The following USP15 variants were observed in gnomAD, a reference collection of about 807,000 sequenced individuals.
USP15 encodes ubiquitin specific peptidase 15, also known as ubiquitin carboxyl-terminal hydrolase 15.
Under a neutral mutation model 127.1 loss-of-function variants are expected in USP15, and 18 were observed. The observed-to-expected ratio is 0.14, with a 90% CI of 0.10 to 0.21. USP15 has a LOEUF of 0.21. Ranked by LOEUF, USP15 falls within the 10% of genes least tolerant of loss-of-function variation. The pLI is 1.00. For missense variants in USP15, 805 were observed against 1,159.9 expected, an observed-to-expected ratio of 0.69 and a Z score of 4.44; for synonymous variants, 364 against 393.7, an observed-to-expected ratio of 0.92 and a Z score of 0.89.
chr12:62,376,943 G>A (rs1477211642), intron 8 of USP15, among the ~76,000 whole-genome samples: 1 of 152,152 alleles, frequency 6.6e-6, no homozygotes, highest in Non-Finnish European at 1.5e-5. Flanking sequence ...AGTCTCATCT[G>A]ATAGGAAAAT....
chr12:62,333,933 A>C (rs2065378656), intron 6 of USP15, among the ~76,000 whole-genome samples: 1 of 152,224 alleles, frequency 6.6e-6, no homozygotes, highest in Non-Finnish European at 1.5e-5. Flanking sequence ...ATGAAGGCTC[A>C]GGAAAACTTG....
chr12:62,321,627 C>G lies in USP15; in HGVS notation c.621+18C>G. 6.5e-7 allele frequency: 1 copy of G among 1,530,468 alleles called. No individual in the cohort carries two copies. The highest frequency in any genetic ancestry group is 8.7e-7 in the Non-Finnish European group (1 of 1,143,552). The allele number at this position is 1,530,468 out of a possible 1,614,324, so 94.8% of individuals were successfully genotyped here. On this transcript the variant is annotated intron_variant, in intron 5 of 21. Transcript: ENST00000280377. ...AAGGACAGGTATTGTTTATTTTAAG[C>G]ATACTGTATTATACATGAAGGTTTT...
At chr12:62,353,887 G>A (rs1042121120) in intron 7 of USP15, among the ~76,000 whole-genome samples, 8 of 152,144 alleles carry the variant, frequency 5.3e-5, no homozygotes, top group African/African-American at 1.9e-4. Context: ...TTTAGTTTAA[G>A]TCAAGTAAAT....
intron 6 of USP15, among the ~76,000 whole-genome samples, chr12:62,328,056 A>G (rs2065182524): frequency 6.6e-6 from 1 of 152,178 alleles, no homozygotes; most frequent in Non-Finnish European, 1.5e-5. Flanking sequence ...TCAAGTCTAT[A>G]GCAAAAGTTA....
At chr12:62,367,837 T>C (rs2066528212) in intron 8 of USP15, among the ~76,000 whole-genome samples, 1 of 152,194 alleles carries the variant, frequency 6.6e-6, no homozygotes, top group Non-Finnish European at 1.5e-5. Flanking sequence ...CTTAGTTATC[T>C]CTTGTCTTCT....
At chr12:62,298,318 A>C (rs1270841157) in intron 2 of USP15, among the ~76,000 whole-genome samples, 1 of 152,140 alleles carries the variant, frequency 6.6e-6, no homozygotes, top group Non-Finnish European at 1.5e-5. Flanking sequence ...TGAACACAGG[A>C]GTTCGAGATC....
intron 1 of USP15, among the ~76,000 whole-genome samples, chr12:62,265,458 A>T (rs532086918): frequency 1.3e-5 from 2 of 152,356 alleles, no homozygotes; most frequent in East Asian, 3.9e-4. Flanking sequence ...AGGTTTTCAC[A>T]TAGTGGTATA....
chr12:62,387,138 A>G (rs1403836513), intron 11 of USP15, among the ~76,000 whole-genome samples: 1 of 152,168 alleles, frequency 6.6e-6, no homozygotes, highest in African/African-American at 2.4e-5. Flanking sequence ...TGCATGAGGA[A>G]CACTTAGGTA....
Position 62,282,691 on chromosome 12 carries a change from C to T in USP15, c.90-11488C>T, listed in dbSNP as rs141786811. 5.9e-5 allele frequency among the ~76,000 whole-genome samples: 9 copies of T among 152,290 alleles called. No homozygotes were observed. The East Asian group carries it at 1.7e-3, about 29-fold the overall frequency. On this transcript the variant is annotated intron_variant, in intron 1 of 21. Transcript: ENST00000280377. ...GTTATCAGGTTGACTGTTGCAGTAT[C>T]ACAATCCTTATGTTCAAGTATCCCT...
intron 11 of USP15, among the ~76,000 whole-genome samples, chr12:62,386,123 G>A (rs907216127): frequency 1.3e-5 from 2 of 150,778 alleles, no homozygotes; most frequent in African/African-American, 4.9e-5. Context: ...GCGGAGGTTA[G>A]AGCCATGGTT....
chr12:62,347,291 AAGTG>A (rs1032047566), intron 6 of USP15, among the ~76,000 whole-genome samples: 9 of 151,544 alleles, frequency 5.9e-5, no homozygotes, highest in African/African-American at 1.9e-4. Context: ...AAAAAGAAAA[AAGTG>A]TGTGTGTGTA....
At position 62,332,943 on chromosome 12, in the gene USP15, C is replaced by G. The variant is rs183920432; in HGVS notation, c.683+7010C>G. On this transcript the variant is annotated intron_variant, in intron 6 of 21. Coordinates refer to ENST00000280377, the MANE Select transcript of USP15 (RefSeq NM_001252078.2). Reference sequence around the variant, plus strand: ...TTATAAATAAAACCATTGCATACTACTTTTTTGGTTGAGACAGATAGTAAG... The same window carrying G: ...TTATAAATAAAACCATTGCATACTAGTTTTTTGGTTGAGACAGATAGTAAG... 2.0e-5 allele frequency among the ~76,000 whole-genome samples: 3 copies of G among 152,260 alleles called. No homozygotes were observed. The East Asian group carries it at 5.8e-4, about 29-fold the overall frequency.
chr12:62,308,857 T>A (rs2064566383), intron 3 of USP15, among the ~76,000 whole-genome samples: 1 of 152,068 alleles, frequency 6.6e-6, no homozygotes, highest in Non-Finnish European at 1.5e-5. Context: ...ATCCCCCAAC[T>A]ATCTAGAAAT....
At chr12:62,261,923 T>C (rs2063074520) in intron 1 of USP15, among the ~76,000 whole-genome samples, 2 of 152,128 alleles carry the variant, frequency 1.3e-5, no homozygotes, top group African/African-American at 2.4e-5. Context: ...ATCAAAAAAA[T>C]AGAATCTTCA....
At chr12:62,326,897 G>A (rs185334867) in intron 6 of USP15, among the ~76,000 whole-genome samples, 16 of 152,124 alleles carry the variant, frequency 1.1e-4, no homozygotes, top group African/African-American at 3.6e-4. Flanking sequence ...TTTGGGAGGC[G>A]AAGACAGGCA....
Position 62,404,601 on chromosome 12 carries a change from T to G in USP15, c.*226T>G, listed in dbSNP as rs1285307608. The G allele has an allele frequency of 1.4e-5, 5 of 347,204 alleles. No individual in the cohort carries two copies. Among genetic ancestry groups the G allele is most frequent in the Non-Finnish European group, 1.9e-5 (4 of 211,120 alleles). 21.5% of individuals were successfully genotyped at this position (347,204 alleles called of 1,614,324 possible). ...CATTTACAGTCTTGTATTTACAAGC[T>G]AAATATATATAGGAAATCACAAATA... is the stretch of plus-strand genomic sequence containing the variant. On this transcript the variant is annotated 3_prime_UTR_variant, in exon 22 of 22. Transcript: ENST00000280377.
intron 4 of USP15, among the ~76,000 whole-genome samples, chr12:62,320,904 T>A (rs2137278740): frequency 6.6e-6 from 1 of 152,286 alleles, no homozygotes; most frequent in Non-Finnish European, 1.5e-5. Flanking sequence ...AGTAAATTGA[T>A]TTAGAAATCA....
intron 1 of USP15, among the ~76,000 whole-genome samples, chr12:62,285,184 G>T (rs2063754808): frequency 6.6e-6 from 1 of 152,026 alleles, no homozygotes; most frequent in Non-Finnish European, 1.5e-5. Flanking sequence ...TGAAGTAAGG[G>T]CTTCTAATGT....
At chr12:62,338,393 T>C (rs2065543236) in intron 6 of USP15, among the ~76,000 whole-genome samples, 1 of 152,216 alleles carries the variant, frequency 6.6e-6, no homozygotes, top group South Asian at 2.1e-4. Flanking sequence ...GTCAGATGGA[T>C]AGATTGCAGA....
Sources: gnomAD v4.1 joint callset for allele counts (sites outside exome capture counted in the v4.1 genomes callset) on GRCh38, gnomAD v4.1.1 for gene constraint, MANE v1.5 for transcripts, NCBI Gene and HGNC (gene_info 2026-07-23, HGNC 2026-07-21) for gene names.